The following ARID5B variants were observed in gnomAD, a reference collection of about 807,000 sequenced individuals.
The protein encoded by ARID5B is AT-rich interaction domain 5B.
A neutral mutation model predicts 97.2 loss-of-function variants in ARID5B; 13 were observed. The ratio of observed to expected loss-of-function variants is 0.13; its 90% CI spans 0.09 to 0.21. The LOEUF (loss-of-function observed/expected upper bound fraction) is 0.21. Ranked by LOEUF, ARID5B falls within the 10% of genes least tolerant of loss-of-function variation. ARID5B has a pLI of 1.00. For missense variants in ARID5B, 1,210 were observed against 1,465.3 expected, an observed-to-expected ratio of 0.83 and a Z score of 2.84; for synonymous variants, 556 against 570.3, an observed-to-expected ratio of 0.97 and a Z score of 0.36.
At chr10:61,915,569 G>T (rs1843886745) in intron 2 of ARID5B, among the ~76,000 whole-genome samples, 1 of 152,180 alleles carries the variant, frequency 6.6e-6, no homozygotes, top group African/African-American at 2.4e-5. Context: ...TCGTAGCCAG[G>T]TTAGAGATGT....
chr10:61,936,345 C>A (rs1844299082), intron 2 of ARID5B, among the ~76,000 whole-genome samples: 1 of 152,208 alleles, frequency 6.6e-6, no homozygotes, highest in Non-Finnish European at 1.5e-5. Flanking sequence ...GGGCCGGGTG[C>A]GGTGGCTCAC....
At chr10:61,947,973 T>C (rs1408912127) in intron 3 of ARID5B, among the ~76,000 whole-genome samples, 3 of 152,216 alleles carry the variant, frequency 2.0e-5, no homozygotes, top group African/African-American at 7.2e-5. Flanking sequence ...TTCTTAGAAT[T>C]CCAGGTTCAT....
chr10:62,063,162 T>G (rs1736690381), intron 7 of ARID5B, among the ~76,000 whole-genome samples: 2 of 152,216 alleles, frequency 1.3e-5, no homozygotes, highest in South Asian at 4.1e-4. Flanking sequence ...TTAGTCTGTT[T>G]TTTGTATCTA....
At chr10:62,070,207 T>A (rs1354364726) in intron 8 of ARID5B, among the ~76,000 whole-genome samples, 1 of 152,208 alleles carries the variant, frequency 6.6e-6, no homozygotes, top group Non-Finnish European at 1.5e-5. Flanking sequence ...TTTCTCATAG[T>A]AAGAGAAATG....
chr10:61,946,665 G>A (rs1252118833), intron 3 of ARID5B, among the ~76,000 whole-genome samples: 2 of 152,186 alleles, frequency 1.3e-5, no homozygotes, highest in East Asian at 3.8e-4. Flanking sequence ...GCTCACACCT[G>A]TAATCCCAAA....
At chr10:61,935,421 A>G (rs1247409801) in intron 2 of ARID5B, among the ~76,000 whole-genome samples, 1 of 152,076 alleles carries the variant, frequency 6.6e-6, no homozygotes, top group East Asian at 1.9e-4. Flanking sequence ...TCATGGATGG[A>G]TGGATCTCAA....
intron 3 of ARID5B, among the ~76,000 whole-genome samples, chr10:61,970,356 G>A (rs1008653118): frequency 2.0e-5 from 3 of 152,216 alleles, no homozygotes; most frequent in African/African-American, 4.8e-5. Flanking sequence ...GGAGGAACAC[G>A]AAGGTGAATT....
intron 3 of ARID5B, among the ~76,000 whole-genome samples, chr10:61,983,485 A>G (rs1410350750): frequency 6.6e-6 from 1 of 152,196 alleles, no homozygotes. Context: ...AAAAGTCGCT[A>G]AATGGAGCTG....
At chr10:61,947,961 G>C (rs1225354471) in intron 3 of ARID5B, among the ~76,000 whole-genome samples, 2 of 152,206 alleles carry the variant, frequency 1.3e-5, no homozygotes, top group African/African-American at 4.8e-5. Flanking sequence ...AGCCACGAAA[G>C]CTTCTTAGAA....
At chr10:61,958,642 T>A (rs190371214) in intron 3 of ARID5B, among the ~76,000 whole-genome samples, 2 of 152,318 alleles carry the variant, frequency 1.3e-5, no homozygotes, top group African/African-American at 4.8e-5. Context: ...AAATAAAGAA[T>A]CTTGTGGTCA....
At chr10:61,946,577 C>A (rs1403504920) in intron 3 of ARID5B, among the ~76,000 whole-genome samples, 1 of 152,150 alleles carries the variant, frequency 6.6e-6, no homozygotes, top group Non-Finnish European at 1.5e-5. Context: ...TATTGTTGCA[C>A]TATACTATTC....
intron 4 of ARID5B, among the ~76,000 whole-genome samples, chr10:62,044,104 T>C (rs147673250): frequency 2.2e-4 from 34 of 152,186 alleles, no homozygotes; most frequent in African/African-American, 7.9e-4. Flanking sequence ...GAACAAGCAC[T>C]TGGATTCTGT....
rs118131924 is a variant in ARID5B at position 62,009,446 on chromosome 10, C to T, written c.733+9125C>T. 6.1e-3 allele frequency among the ~76,000 whole-genome samples: 932 copies of T among 152,262 alleles called. 5 individuals carry two copies. Among genetic ancestry groups the T allele is most frequent in the Non-Finnish European group, 9.9e-3 (675 of 68,024 alleles). ...AAAAATCAAGTTGTCTGAGATAGGA[C>T]ATGGAGCAAGAGGCCATTACAAATG... On this transcript the variant is annotated intron_variant, in intron 4 of 9. Coordinates refer to ENST00000279873, the MANE Select transcript of ARID5B (RefSeq NM_032199.3).
chr10:61,979,813 C>T (rs188522415), intron 3 of ARID5B, among the ~76,000 whole-genome samples: 3 of 152,264 alleles, frequency 2.0e-5, no homozygotes, highest in African/African-American at 4.8e-5. Flanking sequence ...TGTTTTAGGC[C>T]GAGCGTGGTG....
At chr10:62,021,029 A>AATAT (rs10528323) in intron 4 of ARID5B, among the ~76,000 whole-genome samples, 4,954 of 105,848 alleles carry the variant, frequency 0.047, 138 homozygotes, top group African/African-American at 0.086. Context: ...TTGTCACATG[A>AATAT]ATATATATAT....
At chr10:62,061,302 T>C (rs1434112752) in intron 7 of ARID5B, among the ~76,000 whole-genome samples, 1 of 152,112 alleles carries the variant, frequency 6.6e-6, no homozygotes, top group Admixed American at 6.5e-5. Flanking sequence ...TTCTGGGGAA[T>C]GGATAAAATT....
At chr10:61,948,192 A>G (rs1022635102) in intron 3 of ARID5B, among the ~76,000 whole-genome samples, 1 of 152,170 alleles carries the variant, frequency 6.6e-6, no homozygotes, top group Non-Finnish European at 1.5e-5. Flanking sequence ...ATGGAGTACA[A>G]GAATCTGCAT....
intron 4 of ARID5B, among the ~76,000 whole-genome samples, chr10:62,008,861 A>G (rs150742909): frequency 4.8e-4 from 73 of 152,282 alleles, no homozygotes; most frequent in African/African-American, 1.5e-3. Context: ...CAGGACTTTC[A>G]TTATACACCT....
chr10:62,036,579 G>A (rs1304340368), intron 4 of ARID5B, among the ~76,000 whole-genome samples: 1 of 152,228 alleles, frequency 6.6e-6, no homozygotes, highest in Non-Finnish European at 1.5e-5. Context: ...TTGCTTGTAT[G>A]TTTTGGCATA....
Sources: gnomAD v4.1 joint callset for allele counts (sites outside exome capture counted in the v4.1 genomes callset) on GRCh38, gnomAD v4.1.1 for gene constraint, MANE v1.5 for transcripts, NCBI Gene and HGNC (gene_info 2026-07-23, HGNC 2026-07-21) for gene names.